MAPKAP1: variants seen among roughly 807,000 people sequenced by gnomAD.
MAPKAP1 encodes the protein MAPK associated protein 1, also known as target of rapamycin complex 2 subunit MAPKAP1.
A neutral mutation model predicts 65.7 loss-of-function variants in MAPKAP1; 20 were observed. The observed-to-expected ratio is 0.30, with a 90% CI of 0.21 to 0.44. The LOEUF (loss-of-function observed/expected upper bound fraction) is 0.44. MAPKAP1 is among the 20% of genes least tolerant of loss of function. The pLI, the probability that MAPKAP1 is intolerant of heterozygous loss-of-function variation, is 1.00. For synonymous variants in MAPKAP1, 222 were observed against 244.3 expected, an observed-to-expected ratio of 0.91 and a Z score of 0.85; for missense variants, 423 against 648.0, an observed-to-expected ratio of 0.65 and a Z score of 3.77.
At chr9:125,544,157 C>T (rs558762921) in intron 6 of MAPKAP1, among the ~76,000 whole-genome samples, 3 of 152,112 alleles carry the variant, frequency 2.0e-5, no homozygotes, top group Admixed American at 2.0e-4. Context: ...ATTACAGGCG[C>T]CTGCCACCGT....
intron 4 of MAPKAP1, among the ~76,000 whole-genome samples, chr9:125,614,360 A>C (rs1034617698): frequency 1.3e-5 from 2 of 152,208 alleles, no homozygotes; most frequent in African/African-American, 4.8e-5. Flanking sequence ...GTGATGGCTC[A>C]TACTTGTAAT....
intron 10 of MAPKAP1, among the ~76,000 whole-genome samples, chr9:125,459,016 G>C (rs1853334998): frequency 2.3e-5 from 3 of 131,054 alleles, no homozygotes; most frequent in African/African-American, 5.9e-5. Context: ...TCACTTCTCA[G>C]ACGGGGCGGC....
At chr9:125,487,030 A>C (rs1854518964) in intron 8 of MAPKAP1, among the ~76,000 whole-genome samples, 1 of 152,232 alleles carries the variant, frequency 6.6e-6, no homozygotes, top group Non-Finnish European at 1.5e-5. Context: ...ACTGCAACTC[A>C]GACACTGCCA....
intron 6 of MAPKAP1, among the ~76,000 whole-genome samples, chr9:125,550,230 A>G (rs1830546370): frequency 6.6e-6 from 1 of 152,244 alleles, no homozygotes; most frequent in Non-Finnish European, 1.5e-5. Context: ...TTCAACAGCA[A>G]GACTGACATT....
intron 8 of MAPKAP1, among the ~76,000 whole-genome samples, chr9:125,501,173 C>G (rs1161185627): frequency 6.6e-6 from 1 of 152,206 alleles, no homozygotes; most frequent in Non-Finnish European, 1.5e-5. Flanking sequence ...AACTCTGGAA[C>G]GAACAAATAT....
intron 11 of MAPKAP1, among the ~76,000 whole-genome samples, chr9:125,440,319 G>A (rs186459245): frequency 6.6e-6 from 1 of 152,346 alleles, no homozygotes; most frequent in Admixed American, 6.5e-5. Context: ...TTTAGTCAAG[G>A]TCACAAAGCT....
At chr9:125,533,676 C>T (rs1285363610) in intron 7 of MAPKAP1, among the ~76,000 whole-genome samples, 2 of 152,078 alleles carry the variant, frequency 1.3e-5, no homozygotes. Flanking sequence ...GTCTCAAACT[C>T]GACCTCAGGT....
At chr9:125,691,549 T>A (rs531847765) in intron 1 of MAPKAP1, among the ~76,000 whole-genome samples, 3 of 152,146 alleles carry the variant, frequency 2.0e-5, no homozygotes, top group African/African-American at 7.2e-5. Flanking sequence ...CATCAACATG[T>A]AAGTGACAGG....
rs1852383383 is a variant in MAPKAP1, at chr9:125,438,982, T to G, written c.1474A>C (p.Thr492Pro). 1 of 1,614,022 alleles carries G rather than the reference T, an allele frequency of 6.2e-7. No homozygotes were observed. Among genetic ancestry groups the G allele is most frequent in the Non-Finnish European group, 8.5e-7 (1 of 1,179,998 alleles). ...VNYILESRAS[T>P]ARADYFAQKQ... ...TGAGCAAAGTAGTCAGCCCGGGCAGTGCTAGCTCGCGATTCCAGGATGTAG... is the reference window on the plus strand; with the variant it reads ...TGAGCAAAGTAGTCAGCCCGGGCAGGGCTAGCTCGCGATTCCAGGATGTAG... Residue 492 changes from threonine to proline, a missense_variant, in exon 12 of 12, where the codon ACT (threonine) becomes CCT (proline). Coordinates refer to ENST00000265960, the MANE Select transcript of MAPKAP1 (RefSeq NM_001006617.3).
intron 4 of MAPKAP1, among the ~76,000 whole-genome samples, chr9:125,594,894 C>A (rs1402239433): frequency 6.6e-6 from 1 of 152,128 alleles, no homozygotes; most frequent in Admixed American, 6.5e-5. Context: ...AGCAGCTATA[C>A]CTTTTCTACT....
At chr9:125,583,879 C>G (rs12341778) in intron 5 of MAPKAP1, among the ~76,000 whole-genome samples, 2 of 151,912 alleles carry the variant, frequency 1.3e-5, no homozygotes, top group African/African-American at 4.8e-5. Context: ...CTGGTTAACA[C>G]GGTGAAACCC....
At chr9:125,497,048 G>A (rs1379966836) in intron 8 of MAPKAP1, among the ~76,000 whole-genome samples, 1 of 152,234 alleles carries the variant, frequency 6.6e-6, no homozygotes, top group Non-Finnish European at 1.5e-5. Context: ...GAACTGTAAC[G>A]AGCCCATGGA....
intron 7 of MAPKAP1, chr9:125,542,838 T>C (rs149897293): frequency 1.9e-5 from 13 of 687,210 alleles, no homozygotes; most frequent in South Asian, 8.3e-5. Flanking sequence ...ACTTCCACAA[T>C]TGATATGAAT....
At chr9:125,606,775 C>A (rs538151653) in intron 4 of MAPKAP1, among the ~76,000 whole-genome samples, 1 of 152,204 alleles carries the variant, frequency 6.6e-6, no homozygotes, top group Non-Finnish European at 1.5e-5. Flanking sequence ...CAACACAGGA[C>A]AGCCACATTA....
In MAPKAP1 at chr9:125,532,365, T is replaced by G. The variant is rs138517775; in HGVS notation, c.958+10694A>C. 7.4e-3 allele frequency among the ~76,000 whole-genome samples: 1,128 copies of G among 152,320 alleles called. 18 individuals carry two copies. Among genetic ancestry groups the G allele is most frequent in the African/African-American group, 0.025 (1,051 of 41,558 alleles). ...AAATGGAATCATTACCTTGGTACTT[T>G]CTACCTCTCTCCCACCTCTCTCCAA... On this transcript the variant is annotated intron_variant, in intron 7 of 11. Transcript: ENST00000265960.
chr9:125,513,750 C>G (rs1431921052), intron 7 of MAPKAP1, among the ~76,000 whole-genome samples: 1 of 152,204 alleles, frequency 6.6e-6, no homozygotes, highest in African/African-American at 2.4e-5. Context: ...TGAGTCACAA[C>G]AGGCTCACAG....
chr9:125,621,109 C>G (rs1832884597), intron 4 of MAPKAP1, among the ~76,000 whole-genome samples: 1 of 151,640 alleles, frequency 6.6e-6, no homozygotes, highest in Admixed American at 6.6e-5. Flanking sequence ...CCGTCTCTAC[C>G]AAAAATGCAA....
intron 1 of MAPKAP1, among the ~76,000 whole-genome samples, chr9:125,678,406 C>T (rs915591318): frequency 9.2e-5 from 14 of 152,058 alleles, no homozygotes; most frequent in African/African-American, 3.4e-4. Context: ...CCACGCCTGG[C>T]TAATTTTTTG....
chr9:125,458,312 GATT>G (rs902980030), intron 10 of MAPKAP1, among the ~76,000 whole-genome samples: 5 of 151,340 alleles, frequency 3.3e-5, no homozygotes, highest in African/African-American at 1.2e-4. Context: ...AAGGTCAGCA[GATT>G]AATAAGTGAA....
Sources: gnomAD v4.1 joint callset for allele counts (sites outside exome capture counted in the v4.1 genomes callset) on GRCh38, gnomAD v4.1.1 for gene constraint, MANE v1.5 for transcripts, NCBI Gene and HGNC (gene_info 2026-07-23, HGNC 2026-07-21) for gene names.